The following GNS variants were observed in gnomAD, a reference collection of about 807,000 sequenced individuals.
The protein encoded by GNS is N-acetylglucosamine-6-sulfatase.
In GNS, 40 loss-of-function variants were observed where a neutral mutation model predicts 69.7. That is an observed-to-expected ratio of 0.57 (90% CI 0.45 to 0.75). The LOEUF is 0.75. GNS is among the 30% of genes least tolerant of loss of function. The pLI is 0.00. For missense variants in GNS, 565 were observed against 685.5 expected (o/e 0.82, Z 1.96); for synonymous variants, 243 against 251.6 (o/e 0.97, Z 0.32).
chr12:64,721,767 G>A, intron 11 of GNS, 62 bp from the exon 12 acceptor site: 1 of 873,882 alleles, frequency 1.1e-6, no homozygotes, highest in Non-Finnish European at 2.0e-6. Context: ...ATACCTAGTT[G>A]CCTAGAAGGG....
rs1359399805 is a variant in GNS, at chr12:64,715,106, G to C, written c.*1635C>G. On this transcript the variant is annotated 3_prime_UTR_variant, in exon 14 of 14. Coordinates refer to ENST00000258145, the MANE Select transcript of GNS (RefSeq NM_002076.4). Reference sequence around the variant, plus strand: ...AAAGCTAAAATCGCTTATTGCCTGAGTTGAACAAGTTACAAACCACAGCTC... The same window carrying C: ...AAAGCTAAAATCGCTTATTGCCTGACTTGAACAAGTTACAAACCACAGCTC... 6.6e-6 allele frequency: 1 copy of C among 152,656 alleles called. No homozygotes were observed. The highest frequency in any genetic ancestry group is 6.5e-5 in the Admixed American group (1 of 15,280). 9.5% of individuals were successfully genotyped at this position (152,656 alleles called of 1,614,324 possible). A position where few individuals can be genotyped will look rare whatever the true frequency, so the allele number is the denominator to read the frequency against.
chr12:64,753,976 G>A (rs78549331), intron 1 of GNS, among the ~76,000 whole-genome samples: 2,041 of 152,304 alleles, frequency 0.013, 17 homozygotes, highest in Middle Eastern at 0.054. Context: ...GTTACTGTGA[G>A]GACATTTGAA....
Position 64,721,711 on chromosome 12 carries a change from G to C in GNS, c.1309-6C>G, listed in dbSNP as rs1592491918. On this transcript the variant is annotated splice_region_variant and splice_polypyrimidine_tract_variant and intron_variant, in intron 11 of 13. Coordinates refer to ENST00000258145, the MANE Select transcript of GNS (RefSeq NM_002076.4). Reference sequence around the variant, plus strand: ...ACACAGTCTGGGAAGCATTGCTGTAGGGATATTTCAAAAGTTAAATGAAGA... The same window carrying C: ...ACACAGTCTGGGAAGCATTGCTGTACGGATATTTCAAAAGTTAAATGAAGA... The C allele has an allele frequency of 2.2e-6, 3 of 1,371,450 alleles. No individual in the cohort carries two copies. The highest frequency in any genetic ancestry group is 3.1e-6 in the Non-Finnish European group (3 of 958,212). The allele number at this position is 1,371,450 out of a possible 1,614,324, so 85.0% of individuals were successfully genotyped here. A position where few individuals can be genotyped will look rare whatever the true frequency, so the allele number is the denominator to read the frequency against.
chr12:64,721,474 A>G (rs1869025336), intron 12 of GNS, 121 bp downstream of exon 12: 6 of 728,154 alleles, frequency 8.2e-6, no homozygotes, highest in South Asian at 7.2e-5. Flanking sequence ...TGAAGCACAG[A>G]TAAGAAACAC....
At chr12:64,725,995 C>CAAAAAAA (rs34734900) in intron 10 of GNS, among the ~76,000 whole-genome samples, 3 of 49,218 alleles carry the variant, frequency 6.1e-5, no homozygotes, top group Non-Finnish European at 7.0e-5. Flanking sequence ...GACTCTGTCT[C>CAAAAAAA]AAAAAAAAAA....
chr12:64,750,255 G>A (rs140652675), intron 2 of GNS, among the ~76,000 whole-genome samples: 2 of 151,854 alleles, frequency 1.3e-5, no homozygotes, highest in Non-Finnish European at 2.9e-5. Context: ...ACCATGTTGG[G>A]TAGGCTGGTC....
rs997444056 is a variant in GNS at position 64,716,521 on chromosome 12, A to G, written c.*220T>C. 8.4e-6 allele frequency: 5 copies of G among 597,408 alleles called. No individual in the cohort carries two copies. Among genetic ancestry groups the G allele is most frequent in the African/African-American group, 3.7e-5 (2 of 54,288 alleles). The allele number at this position is 597,408 out of a possible 1,614,324, so 37.0% of individuals were successfully genotyped here. ...AGGAGTGTCCTTGTCAGCTAAAGGA[A>G]GAGACCAGAGACAGCCACTCCTGAC... On this transcript the variant is annotated 3_prime_UTR_variant, in exon 14 of 14. Coordinates refer to ENST00000258145, the MANE Select transcript of GNS (RefSeq NM_002076.4).
At chr12:64,732,398 G>T (rs1423649049) in intron 9 of GNS, among the ~76,000 whole-genome samples, 4 of 151,070 alleles carry the variant, frequency 2.6e-5, no homozygotes, top group Non-Finnish European at 5.9e-5. Flanking sequence ...TCGATCTCCT[G>T]ACCTCGTGAT....
intron 8 of GNS, among the ~76,000 whole-genome samples, chr12:64,737,469 T>C (rs1393315453): frequency 6.6e-6 from 1 of 152,196 alleles, no homozygotes; most frequent in Non-Finnish European, 1.5e-5. Context: ...AAAACACCTA[T>C]CCTGTGTTTC....
intron 2 of GNS, among the ~76,000 whole-genome samples, chr12:64,750,978 C>T (rs992901114): frequency 6.6e-6 from 1 of 152,152 alleles, no homozygotes; most frequent in African/African-American, 2.4e-5. Context: ...TTTTATCTTA[C>T]CACTCGCATC....
intron 6 of GNS, 71 bp from the exon 7 acceptor site, chr12:64,740,759 T>C (rs1869706211): frequency 2.6e-6 from 2 of 778,248 alleles, no homozygotes; most frequent in East Asian, 2.5e-5. Context: ...ATTACTACAG[T>C]AGATAATAAA....
chr12:64,757,873 GT>G (rs1397760466), intron 1 of GNS, among the ~76,000 whole-genome samples: 1 of 152,218 alleles, frequency 6.6e-6, no homozygotes, highest in Admixed American at 6.5e-5. Flanking sequence ...CACAAGAAAA[GT>G]TAGGAACGTC....
chr12:64,726,320 A>G (rs1468578636), intron 10 of GNS, among the ~76,000 whole-genome samples: 1 of 151,940 alleles, frequency 6.6e-6, no homozygotes, highest in Non-Finnish European at 1.5e-5. Context: ...AAGACAACTG[A>G]GTATCTATAG....
intron 9 of GNS, among the ~76,000 whole-genome samples, chr12:64,735,802 C>T (rs1046902764): frequency 1.3e-5 from 2 of 152,124 alleles, no homozygotes; most frequent in Non-Finnish European, 2.9e-5. Context: ...TTAGAAGGCA[C>T]TGAAATTTGT....
intron 2 of GNS, among the ~76,000 whole-genome samples, chr12:64,751,439 C>T (rs918756342): frequency 9.2e-5 from 14 of 152,132 alleles, no homozygotes; most frequent in African/African-American, 3.4e-4. Flanking sequence ...TATGACTAGA[C>T]AGTCGGAACA....
At chr12:64,719,860 C>T (rs1868971077) in intron 13 of GNS, among the ~76,000 whole-genome samples, 162 bp downstream of exon 13, 1 of 152,172 alleles carries the variant, frequency 6.6e-6, no homozygotes, top group South Asian at 2.1e-4. Flanking sequence ...GTTTCAAAAG[C>T]TTGATTTTCC....
chr12:64,716,967 G>A (rs752708165), intron 13 of GNS, 148 bp from the exon 14 acceptor site: 19 of 693,146 alleles, frequency 2.7e-5, no homozygotes, highest in Non-Finnish European at 4.5e-5. Flanking sequence ...CAAAACATGA[G>A]CCCTCGACAG....
rs116010177 is a variant in GNS at position 64,736,202 on chromosome 12, C to T, written c.1098+802G>A. On this transcript the variant is annotated intron_variant, in intron 9 of 13. Transcript: ENST00000258145. The stretch of plus-strand genomic sequence containing the variant: ...GAGGACAGTATTTTGGATGAAGGTC[C>T]TCATGACTGCTAGGAACAAAGTGCC... Among the ~76,000 whole-genome samples the T allele has an allele frequency of 7.3e-3, 1,116 of 152,262 alleles. 16 individuals are homozygous for T. Among genetic ancestry groups the T allele is most frequent in the African/African-American group, 0.025 (1,037 of 41,544 alleles).
In GNS at chr12:64,755,797, G is replaced by A. The variant is rs574889713; in HGVS notation, c.193-3040C>T. Among the ~76,000 whole-genome samples the A allele has an allele frequency of 1.5e-4, 22 of 149,282 alleles. No individual in the cohort carries two copies. In the South Asian group the frequency reaches 4.7e-3, roughly 32 times the overall value. On this transcript the variant is annotated intron_variant, in intron 1 of 13. Transcript: ENST00000258145. ...GGGTTCAAGTGATTCTCCCACCTCA[G>A]CCTCCCGAGTAGCTGGGACTACAGG...
Sources: allele counts gnomAD v4.1 joint callset (sites outside exome capture counted in the v4.1 genomes callset), GRCh38; gene constraint gnomAD v4.1.1; transcripts MANE v1.5; gene names NCBI Gene and HGNC (gene_info 2026-07-23, HGNC 2026-07-21).